ARL15: variants seen among roughly 807,000 people sequenced by gnomAD.
The protein encoded by ARL15 is ADP-ribosylation factor-like protein 15.
A neutral mutation model predicts 25.2 loss-of-function variants in ARL15; 19 were observed. The ratio of observed to expected loss-of-function variants is 0.75; its 90% CI spans 0.53 to 1.10. The LOEUF is 1.10. Among genes scored for constraint, ARL15 ranks in the 50% least tolerant of loss-of-function variants. ARL15 has a pLI of 0.00. For missense variants in ARL15, 220 were observed against 246.0 expected (o/e 0.89, Z 0.71); for synonymous variants, 94 against 86.8 (o/e 1.08, Z -0.46).
At chr5:53,939,743 T>A (rs75248559) in intron 4 of ARL15, among the ~76,000 whole-genome samples, 12,622 of 150,670 alleles carry the variant, frequency 0.084, 848 homozygotes, top group East Asian at 0.35. Context: ...CAAAAAAAAA[T>A]AAAATAAAAT....
At chr5:54,270,273 A>C (rs1051380087) in intron 1 of ARL15, among the ~76,000 whole-genome samples, 1 of 151,806 alleles carries the variant, frequency 6.6e-6, no homozygotes, top group Non-Finnish European at 1.5e-5. Flanking sequence ...TCATATTTTG[A>C]GTTTTTCCTT....
At chr5:53,895,813 T>C (rs1744853183) in intron 4 of ARL15, among the ~76,000 whole-genome samples, 1 of 152,160 alleles carries the variant, frequency 6.6e-6, no homozygotes, top group Non-Finnish European at 1.5e-5. Context: ...ATATATTCAG[T>C]TTTCTTTTTA....
At chr5:54,138,197 C>T (rs1371978490) in intron 3 of ARL15, among the ~76,000 whole-genome samples, 1 of 151,994 alleles carries the variant, frequency 6.6e-6, no homozygotes, top group African/African-American at 2.4e-5. Flanking sequence ...AGGAGGATCT[C>T]GATCCAGGTA....
In ARL15 at chr5:54,075,073, GA is replaced by G. The variant is rs3836818; in HGVS notation, c.462+38128del. Among the ~76,000 whole-genome samples the G allele has an allele frequency of 1.8e-3, 116 of 63,906 alleles. 1 individual carries two copies. The highest frequency in any genetic ancestry group is 5.1e-3 in the African/African-American group (80 of 15,606). 41.9% of individuals were successfully genotyped at this position (63,906 alleles called of 152,430 possible). A position where few individuals can be genotyped will look rare whatever the true frequency, so the allele number is the denominator to read the frequency against. On this transcript the variant is annotated intron_variant, in intron 4 of 4. Coordinates refer to ENST00000504924, the MANE Select transcript of ARL15 (RefSeq NM_019087.3). The stretch of plus-strand genomic sequence containing the variant: ...GAATGATTCTTAGTACAGAATACAG[GA>G]AAAAAAAAAAAAAAAAAAGTCCTGG...
intron 4 of ARL15, among the ~76,000 whole-genome samples, chr5:54,023,368 G>A (rs545279674): frequency 6.6e-6 from 1 of 152,100 alleles, no homozygotes; most frequent in African/African-American, 2.4e-5. Flanking sequence ...AGGAAGGCAG[G>A]AAAAACAAAA....
At chr5:54,023,049 G>T (rs761344208) in intron 4 of ARL15, among the ~76,000 whole-genome samples, 2 of 152,162 alleles carry the variant, frequency 1.3e-5, no homozygotes, top group Non-Finnish European at 2.9e-5. Context: ...GGATGGAGAA[G>T]TCAGGTCAGT....
intron 2 of ARL15, among the ~76,000 whole-genome samples, chr5:54,163,355 GCTTTTTTTTTTTTTTTTTTTTT>G (rs772958853): frequency 1.9e-4 from 10 of 51,342 alleles, no homozygotes; most frequent in South Asian, 1.9e-3. Context: ...TTGGTATGAA[GCTTTTTTTTTTTTTTTTTTTTT>G]TTTTTTTTTT....
intron 2 of ARL15, among the ~76,000 whole-genome samples, chr5:54,171,193 A>G (rs1261931211): frequency 6.6e-6 from 1 of 152,112 alleles, no homozygotes; most frequent in Non-Finnish European, 1.5e-5. Flanking sequence ...ACTGGCCTCT[A>G]TCCACCAGAA....
intron 2 of ARL15, among the ~76,000 whole-genome samples, chr5:54,163,249 C>A (rs1269779131): frequency 6.6e-6 from 1 of 151,254 alleles, no homozygotes. Flanking sequence ...ATAAATGTCA[C>A]ATGTTCATGA....
At chr5:53,945,779 T>C (rs894353427) in intron 4 of ARL15, among the ~76,000 whole-genome samples, 2 of 152,220 alleles carry the variant, frequency 1.3e-5, no homozygotes, top group African/African-American at 2.4e-5. Flanking sequence ...AGTAAATTTA[T>C]GTTAAAGTAA....
At chr5:53,901,269 T>C (rs1313636835) in intron 4 of ARL15, among the ~76,000 whole-genome samples, 1 of 152,224 alleles carries the variant, frequency 6.6e-6, no homozygotes, top group Non-Finnish European at 1.5e-5. Context: ...TTTTATCTTC[T>C]GTATTTGGGG....
At chr5:54,160,019 C>A (rs1333541727) in intron 2 of ARL15, among the ~76,000 whole-genome samples, 1 of 152,216 alleles carries the variant, frequency 6.6e-6, no homozygotes, top group Non-Finnish European at 1.5e-5. Context: ...AGTGCACGCA[C>A]ACAGATACTT....
chr5:54,215,564 T>G (rs747961660), intron 1 of ARL15, among the ~76,000 whole-genome samples: 13 of 137,792 alleles, frequency 9.4e-5, no homozygotes, highest in South Asian at 4.7e-4. Flanking sequence ...GCAATTTTCC[T>G]AAGTCTTCAG....
At chr5:54,045,819 C>T (rs1750491494) in intron 4 of ARL15, among the ~76,000 whole-genome samples, 1 of 152,190 alleles carries the variant, frequency 6.6e-6, no homozygotes, top group African/African-American at 2.4e-5. Context: ...TACAATTCCT[C>T]AGTGGACTAC....
intron 3 of ARL15, among the ~76,000 whole-genome samples, chr5:54,144,156 T>C (rs1753844936): frequency 1.3e-5 from 2 of 152,020 alleles, no homozygotes; most frequent in Non-Finnish European, 2.9e-5. Flanking sequence ...TATGGTTATT[T>C]TCTTATTAAT....
intron 4 of ARL15, among the ~76,000 whole-genome samples, chr5:54,005,046 C>A (rs1227156721): frequency 6.6e-6 from 1 of 151,694 alleles, no homozygotes; most frequent in Non-Finnish European, 1.5e-5. Context: ...GGGAGGAGTT[C>A]TCACTATGTT....
intron 1 of ARL15, among the ~76,000 whole-genome samples, chr5:54,194,871 T>C (rs1755507075): frequency 6.6e-6 from 1 of 152,154 alleles, no homozygotes; most frequent in Non-Finnish European, 1.5e-5. Context: ...AATTTTACCT[T>C]TAGCTTTACC....
At chr5:54,250,975 T>G (rs1757221809) in intron 1 of ARL15, among the ~76,000 whole-genome samples, 1 of 152,188 alleles carries the variant, frequency 6.6e-6, no homozygotes, top group African/African-American at 2.4e-5. Flanking sequence ...AAATATAGTT[T>G]TACTATATTT....
intron 4 of ARL15, among the ~76,000 whole-genome samples, chr5:54,112,411 T>C (rs1752768311): frequency 6.6e-6 from 1 of 152,242 alleles, no homozygotes; most frequent in African/African-American, 2.4e-5. Context: ...ATCATCTCAT[T>C]CCAAAATCAC....
Sources: gnomAD v4.1 joint callset for allele counts (sites outside exome capture counted in the v4.1 genomes callset) on GRCh38, gnomAD v4.1.1 for gene constraint, MANE v1.5 for transcripts, NCBI Gene and HGNC (gene_info 2026-07-23, HGNC 2026-07-21) for gene names.